The following SLC16A10 variants were observed in gnomAD, a reference collection of about 807,000 sequenced individuals.
SLC16A10 encodes monocarboxylate transporter 10.
A neutral mutation model predicts 40.0 loss-of-function variants in SLC16A10; 27 were observed. The ratio of observed to expected loss-of-function variants is 0.67; its 90% CI spans 0.50 to 0.93. SLC16A10 has a LOEUF of 0.93. SLC16A10 is among the 40% of genes least tolerant of loss of function. The pLI, the probability that SLC16A10 is intolerant of heterozygous loss-of-function variation, is 0.00. For synonymous variants in SLC16A10, 213 were observed against 249.8 expected, an observed-to-expected ratio of 0.85 and a Z score of 1.39; for missense variants, 529 against 658.2, an observed-to-expected ratio of 0.80 and a Z score of 2.15.
At chr6:111,181,732 G>C (rs944614091) in intron 3 of SLC16A10, among the ~76,000 whole-genome samples, 1 of 152,154 alleles carries the variant, frequency 6.6e-6, no homozygotes, top group African/African-American at 2.4e-5. Context: ...TGAGGTTGGA[G>C]GTTTGATCTT....
At chr6:111,199,778 A>G (rs1232055356) in intron 3 of SLC16A10, among the ~76,000 whole-genome samples, 4 of 110,514 alleles carry the variant, frequency 3.6e-5, no homozygotes, top group African/African-American at 1.2e-4. Flanking sequence ...AAATGATGCT[A>G]TGTCATAGAT....
chr6:111,145,651 C>G (rs1347238389), intron 1 of SLC16A10, among the ~76,000 whole-genome samples: 1 of 152,116 alleles, frequency 6.6e-6, no homozygotes, highest in Non-Finnish European at 1.5e-5. Flanking sequence ...GAGTTCAAGA[C>G]CAGCCTGGGC....
chr6:111,211,942 G>A (rs763489822), intron 4 of SLC16A10, among the ~76,000 whole-genome samples: 1 of 152,200 alleles, frequency 6.6e-6, no homozygotes, highest in Non-Finnish European at 1.5e-5. Context: ...TTGGTGGTGT[G>A]TTTTCTCAGA....
chr6:111,125,164 G>A (rs1483207425), intron 1 of SLC16A10, among the ~76,000 whole-genome samples: 2 of 152,078 alleles, frequency 1.3e-5, no homozygotes, highest in Admixed American at 6.5e-5. Flanking sequence ...CAGTAGATCC[G>A]TGAATCCTGC....
intron 3 of SLC16A10, among the ~76,000 whole-genome samples, chr6:111,190,803 G>A (rs1772977474): frequency 6.6e-6 from 1 of 152,204 alleles, no homozygotes; most frequent in African/African-American, 2.4e-5. Context: ...CACACAGCAG[G>A]GGGACTCTGG....
intron 1 of SLC16A10, among the ~76,000 whole-genome samples, chr6:111,127,477 G>A (rs564764425): frequency 1.4e-4 from 22 of 152,322 alleles, no homozygotes; most frequent in Non-Finnish European, 2.6e-4. Flanking sequence ...AAAGAGCTTG[G>A]ATTTCTTCTG....
chr6:111,116,449 C>T (rs1240541768), intron 1 of SLC16A10, among the ~76,000 whole-genome samples: 1 of 152,006 alleles, frequency 6.6e-6, no homozygotes, highest in Non-Finnish European at 1.5e-5. Context: ...AACTCCTGAC[C>T]TCAGGTGATC....
At chr6:111,141,803 C>A (rs1167638929) in intron 1 of SLC16A10, among the ~76,000 whole-genome samples, 1 of 152,088 alleles carries the variant, frequency 6.6e-6, no homozygotes, top group African/African-American at 2.4e-5. Context: ...AATAAAAGAA[C>A]CAAATAAATG....
intron 1 of SLC16A10, among the ~76,000 whole-genome samples, chr6:111,115,597 T>G (rs1299100680): frequency 6.6e-6 from 1 of 152,256 alleles, no homozygotes; most frequent in Non-Finnish European, 1.5e-5. Flanking sequence ...TGAGAAATGT[T>G]TCCATTATAT....
At chr6:111,167,535 A>G (rs1265822687) in intron 1 of SLC16A10, among the ~76,000 whole-genome samples, 1 of 152,060 alleles carries the variant, frequency 6.6e-6, no homozygotes, top group African/African-American at 2.4e-5. Context: ...TTAACTTTCG[A>G]GGAGAGATCC....
At chr6:111,145,049 T>G (rs1410918230) in intron 1 of SLC16A10, among the ~76,000 whole-genome samples, 1 of 149,764 alleles carries the variant, frequency 6.7e-6, no homozygotes, top group Non-Finnish European at 1.5e-5. Context: ...CCCAGGCTGG[T>G]CTTGAACTCC....
chr6:111,087,833 C>A lies in SLC16A10; in HGVS notation c.81C>A (p.Ala27=), dbSNP rs567897302. 56 of 1,356,710 alleles carry A rather than the reference C, an allele frequency of 4.1e-5. No homozygotes were observed. In the East Asian group the frequency reaches 1.6e-3, roughly 39 times the overall value. The allele number at this position is 1,356,710 out of a possible 1,614,324, so 84.0% of individuals were successfully genotyped here. A position where few individuals can be genotyped will look rare whatever the true frequency, so the allele number is the denominator to read the frequency against. Residue 27 remains alanine, a synonymous_variant, in exon 1 of 6, where the codon GCC becomes GCA. Transcript: ENST00000368851. The stretch of plus-strand genomic sequence containing the variant: ...CGCTCGGCCCCGCGCCCACGGGGGC[C>A]GCTCCGCCGCCCGGCCCGGGACCCT... ...AQPLGPAPTG[A]APPPGPGPSD...
At chr6:111,101,013 T>TATATAA (rs1399962671) in intron 1 of SLC16A10, among the ~76,000 whole-genome samples, 2 of 133,620 alleles carry the variant, frequency 1.5e-5, no homozygotes, top group African/African-American at 6.0e-5. Flanking sequence ...TATATATATA[T>TATATAA]ATATAAATAT....
At chr6:111,203,246 A>G (rs1259210800) in intron 3 of SLC16A10, among the ~76,000 whole-genome samples, 1 of 152,212 alleles carries the variant, frequency 6.6e-6, no homozygotes, top group Admixed American at 6.5e-5. Context: ...CACAAGTAGA[A>G]CATACCAGAC....
chr6:111,182,334 C>CTTTTTTTTTTT (rs1303457924), intron 3 of SLC16A10, among the ~76,000 whole-genome samples: 8 of 75,280 alleles, frequency 1.1e-4, no homozygotes, highest in South Asian at 4.8e-4. Flanking sequence ...TTTTTTTTTC[C>CTTTTTTTTTTT]TTTTTAACGG....
intron 1 of SLC16A10, among the ~76,000 whole-genome samples, chr6:111,158,396 G>A (rs530599311): frequency 2.7e-4 from 41 of 152,148 alleles, no homozygotes; most frequent in Non-Finnish European, 5.1e-4. Flanking sequence ...ACAAATTGGA[G>A]GGGGAATGAT....
intron 1 of SLC16A10, among the ~76,000 whole-genome samples, chr6:111,168,082 C>A (rs541554574): frequency 6.6e-6 from 1 of 151,968 alleles, no homozygotes; most frequent in African/African-American, 2.4e-5. Flanking sequence ...CAGATTCAAG[C>A]GATTCTCATT....
intron 3 of SLC16A10, among the ~76,000 whole-genome samples, chr6:111,183,033 C>T (rs552675594): frequency 6.6e-6 from 1 of 152,328 alleles, no homozygotes. Flanking sequence ...AAGCCACAGG[C>T]ATTCTTTCTA....
intron 4 of SLC16A10, among the ~76,000 whole-genome samples, chr6:111,211,599 A>G (rs1773347330): frequency 6.6e-6 from 1 of 152,180 alleles, no homozygotes; most frequent in African/African-American, 2.4e-5. Flanking sequence ...TGAGAAGGAG[A>G]AAGAAAGCCC....
Sources: gnomAD v4.1 joint callset for allele counts (sites outside exome capture counted in the v4.1 genomes callset) on GRCh38, gnomAD v4.1.1 for gene constraint, MANE v1.5 for transcripts, NCBI Gene and HGNC (gene_info 2026-07-23, HGNC 2026-07-21) for gene names.